The following TRIM23 variants were observed in gnomAD, a reference collection of about 807,000 sequenced individuals.
The protein encoded by TRIM23 is E3 ubiquitin-protein ligase TRIM23.
In TRIM23, 27 loss-of-function variants were observed where a neutral mutation model predicts 71.0. The observed-to-expected ratio is 0.38, with a 90% CI of 0.28 to 0.52. TRIM23 has a LOEUF of 0.52. TRIM23 is among the 20% of genes least tolerant of loss of function. The probability of loss-of-function intolerance (pLI) is 0.84; values close to 1 mark genes in which losing one functional copy is unlikely to be tolerated. For missense variants in TRIM23, 482 were observed against 692.3 expected, an observed-to-expected ratio of 0.70 and a Z score of 3.41; for synonymous variants, 234 against 238.0, an observed-to-expected ratio of 0.98 and a Z score of 0.16.
At chr5:65,605,244 T>C (rs1163643447) in intron 6 of TRIM23, among the ~76,000 whole-genome samples, 199 bp from the exon 7 acceptor site, 1 of 152,206 alleles carries the variant, frequency 6.6e-6, no homozygotes, top group Non-Finnish European at 1.5e-5. Context: ...TTGTAGCATA[T>C]AGATAAATGG....
chr5:65,594,772 G>C (rs1754150574), intron 9 of TRIM23, 127 bp from the exon 10 acceptor site: 11 of 887,494 alleles, frequency 1.2e-5, no homozygotes, highest in Non-Finnish European at 1.7e-5. Context: ...TTTTCACACA[G>C]AGGGTGCCTA....
At chr5:65,608,152 T>C (rs1754555645) in intron 6 of TRIM23, among the ~76,000 whole-genome samples, 1 of 152,174 alleles carries the variant, frequency 6.6e-6, no homozygotes, top group African/African-American at 2.4e-5. Context: ...GAAGTTAGAA[T>C]TATTAAAACT....
chr5:65,602,205 C>A (rs1754381222), intron 7 of TRIM23, among the ~76,000 whole-genome samples: 1 of 152,150 alleles, frequency 6.6e-6, no homozygotes. Context: ...TAACAGAACC[C>A]AAGTCACCTC....
In TRIM23 at chr5:65,590,983, TAGAA is replaced by T. The variant is rs1478827463; in HGVS notation, c.*782_*785del. Reference sequence around the variant, plus strand: ...ATATTACTTTAAATTTGTTGAAAAATAGAAGGACCAATTTAGAGCTCTGACCTAG... The same window carrying T: ...ATATTACTTTAAATTTGTTGAAAAATGGACCAATTTAGAGCTCTGACCTAG... On this transcript the variant is annotated 3_prime_UTR_variant, in exon 11 of 11. Coordinates refer to ENST00000231524, the MANE Select transcript of TRIM23 (RefSeq NM_001656.4). The T allele has an allele frequency of 2.0e-6, 2 of 985,236 alleles. No homozygotes were observed. The highest frequency in any genetic ancestry group is 2.4e-6 in the Non-Finnish European group (2 of 829,768). The allele number at this position is 985,236 out of a possible 1,614,324, so 61.0% of individuals were successfully genotyped here. A position where few individuals can be genotyped will look rare whatever the true frequency, so the allele number is the denominator to read the frequency against.
chr5:65,624,131 A>G, intron 1 of TRIM23, 63 bp downstream of exon 1: 1 of 1,600,572 alleles, frequency 6.2e-7, no homozygotes, highest in Non-Finnish European at 8.6e-7. Context: ...CGATGCCGCC[A>G]GGTCTCCAGG....
At chr5:65,618,548 A>T (rs1754834596) in intron 1 of TRIM23, among the ~76,000 whole-genome samples, 1 of 152,202 alleles carries the variant, frequency 6.6e-6, no homozygotes, top group Non-Finnish European at 1.5e-5. Context: ...CAGTCATTAC[A>T]TCTGAATCTG....
At chr5:65,602,298 G>A (rs1326010922) in intron 7 of TRIM23, among the ~76,000 whole-genome samples, 2 of 152,140 alleles carry the variant, frequency 1.3e-5, no homozygotes, top group Admixed American at 6.5e-5. Context: ...CAAATGTCTA[G>A]GCAAATGCCA....
chr5:65,603,313 C>T (rs553017059), intron 7 of TRIM23, among the ~76,000 whole-genome samples: 16 of 151,960 alleles, frequency 1.1e-4, no homozygotes, highest in East Asian at 3.9e-4. Context: ...TTTTTTACTA[C>T]GATAAATAAA....
rs1179848822 is a variant in TRIM23, at chr5:65,605,006, T to C, written c.1084A>G (p.Arg362Gly). ...RVVLAKQEIT[R>G]LLETLQKQQQ... is the part of the protein sequence containing the mutation. ...TGTTTCTGCAATGTTTCCAGTAACC[T>C]TGTAATTTCCTGTTTTGCCAAGACA... Residue 362 changes from arginine to glycine, a missense_variant, in exon 7 of 11, where the codon AGG (arginine) becomes GGG (glycine). By Grantham distance (125) the Arg-to-Gly change is moderately radical (BLOSUM62 -2). Transcript: ENST00000231524. 8 of 1,613,900 alleles carry C rather than the reference T, an allele frequency of 5.0e-6. No homozygotes were observed. The South Asian group carries it at 5.5e-5, about 11-fold the overall frequency.
In TRIM23 at chr5:65,624,263, C is replaced by T. The variant is rs774234550; in HGVS notation, c.12G>A (p.Leu4=). ...CTCCCGCTCCGAGCTTGTTTACAACCAGGGTAGCCATCCTCGCAGGGGAAG... is the reference window on the plus strand; with the variant it reads ...CTCCCGCTCCGAGCTTGTTTACAACTAGGGTAGCCATCCTCGCAGGGGAAG... MAT[L]VVNKLGAGVD... The change falls in exon 1 of 11, where the codon CTG becomes CTA. Residue 4 remains leucine, a synonymous_variant. Coordinates refer to ENST00000231524, the MANE Select transcript of TRIM23 (RefSeq NM_001656.4). The T allele has an allele frequency of 6.2e-7, 1 of 1,614,176 alleles. No individual in the cohort carries two copies. The highest frequency in any genetic ancestry group is 1.1e-5 in the South Asian group (1 of 91,090).
chr5:65,596,409 T>C lies in TRIM23; in HGVS notation c.1420+12A>G. ...AAAATGTGAAAAATTAAATGTCATT[T>C]TTAACTCTCACCTTGAGTATTGAGG... On this transcript the variant is annotated intron_variant, in intron 9 of 10. Coordinates refer to ENST00000231524, the MANE Select transcript of TRIM23 (RefSeq NM_001656.4). 1 of 1,536,830 alleles carries C rather than the reference T, an allele frequency of 6.5e-7. No homozygotes were observed. Among genetic ancestry groups the C allele is most frequent in the Non-Finnish European group, 9.0e-7 (1 of 1,113,942 alleles).
At chr5:65,622,547 A>G (rs1301872811) in intron 1 of TRIM23, among the ~76,000 whole-genome samples, 2 of 152,228 alleles carry the variant, frequency 1.3e-5, no homozygotes, top group African/African-American at 4.8e-5. Context: ...CAACTTGTTC[A>G]CAAGCAAAAG....
In TRIM23 at chr5:65,624,326, G is replaced by T; in HGVS notation, c.-52C>A. On this transcript the variant is annotated 5_prime_UTR_variant, in exon 1 of 11. Transcript: ENST00000231524. ...AGCCTTCAGAGTCCTCAACTGAGAG[G>T]CGGGGTTGAGCCACCTACCCAGAGG... 1 of 1,593,618 alleles carries T rather than the reference G, an allele frequency of 6.3e-7. No homozygotes were observed.
chr5:65,590,152 C>A lies in TRIM23; in HGVS notation c.*1617G>T, dbSNP rs13361392. 1.2e-3 allele frequency: 647 copies of A among 551,114 alleles called. 5 individuals carry two copies. Among genetic ancestry groups the A allele is most frequent in the African/African-American group, 0.011 (589 of 51,282 alleles). 34.1% of individuals were successfully genotyped at this position (551,114 alleles called of 1,614,324 possible). ...TCACCTTAGTGTTACACTTTTTCTT[C>A]AATTAACTAGTAAACAGTTCAAGTT... On this transcript the variant is annotated 3_prime_UTR_variant, in exon 11 of 11. Transcript: ENST00000231524.
At chr5:65,611,983 T>C (rs1194258319) in intron 3 of TRIM23, 102 bp from the exon 4 acceptor site, 1 of 1,097,402 alleles carries the variant, frequency 9.1e-7, no homozygotes, top group African/African-American at 1.6e-5. Flanking sequence ...AACTGAACAA[T>C]ATTTACATAT....
rs746773660 is a variant in TRIM23 at position 65,591,451 on chromosome 5, TTC to T, written c.*316_*317del. 2 of 1,595,296 alleles carry T rather than the reference TTC, an allele frequency of 1.3e-6. No homozygotes were observed. The highest frequency in any genetic ancestry group is 2.7e-5 in the African/African-American group (2 of 73,682). The stretch of plus-strand genomic sequence containing the variant: ...GAAAGAATAAACCTTCACTTACCCT[TTC>T]TCTGTGACTACCTCTTTCCCAGTAT... On this transcript the variant is annotated 3_prime_UTR_variant, in exon 11 of 11. Transcript: ENST00000231524.
intron 7 of TRIM23, among the ~76,000 whole-genome samples, chr5:65,600,096 C>T (rs945180978): frequency 7.2e-5 from 11 of 152,222 alleles, no homozygotes; most frequent in South Asian, 4.2e-4. Flanking sequence ...CACTTTTAAA[C>T]GACCAGATCT....
intron 6 of TRIM23, among the ~76,000 whole-genome samples, chr5:65,605,400 T>C (rs1031313898): frequency 1.3e-5 from 2 of 152,134 alleles, no homozygotes; most frequent in African/African-American, 2.4e-5. Flanking sequence ...AATTAAGATA[T>C]ACATTAGAAG....
chr5:65,603,962 CT>C (rs34264463), intron 7 of TRIM23, among the ~76,000 whole-genome samples: 43 of 147,870 alleles, frequency 2.9e-4, no homozygotes, highest in Admixed American at 3.4e-4. Context: ...GATATTTTGG[CT>C]TTTTTTTTTT....
Sources: gnomAD v4.1 joint callset for allele counts (sites outside exome capture counted in the v4.1 genomes callset) on GRCh38, gnomAD v4.1.1 for gene constraint, MANE v1.5 for transcripts, NCBI Gene and HGNC (gene_info 2026-07-23, HGNC 2026-07-21) for gene names.